Variants in IFT74 observed in about 807,000 individuals in gnomAD.
The protein encoded by IFT74 is intraflagellar transport 74, also known as intraflagellar transport protein 74 homolog.
In IFT74, 92 loss-of-function variants were observed where a neutral mutation model predicts 96.7. The observed-to-expected ratio is 0.95, with a 90% CI of 0.80 to 1.13. IFT74 has a LOEUF of 1.13. IFT74 is among the 50% of genes most tolerant of loss of function. The pLI is 0.00. For synonymous variants in IFT74, 223 were observed against 213.2 expected, an observed-to-expected ratio of 1.05 and a Z score of -0.40; for missense variants, 811 against 698.2, an observed-to-expected ratio of 1.16 and a Z score of -1.82.
At chr9:27,000,928 G>A (rs1828450315) in intron 8 of IFT74, among the ~76,000 whole-genome samples, 1 of 152,088 alleles carries the variant, frequency 6.6e-6, no homozygotes, top group South Asian at 2.1e-4. Flanking sequence ...ATGTTTGTAT[G>A]CATTAATAAA....
intron 1 of IFT74, among the ~76,000 whole-genome samples, chr9:26,949,007 G>GT (rs1003133103): frequency 2.0e-5 from 3 of 151,574 alleles, no homozygotes; most frequent in African/African-American, 7.3e-5. Flanking sequence ...TTTATCTTCT[G>GT]TTTTTTTCTA....
Position 26,997,599 on chromosome 9 carries a change from GATGGGATTACAGGC to G in IFT74, c.587+7408_587+7421del, listed in dbSNP as rs1828233717. 3 of 962,598 alleles carry G rather than the reference GATGGGATTACAGGC, an allele frequency of 3.1e-6. No individual in the cohort carries two copies. In the South Asian group the frequency reaches 5.4e-5, roughly 17 times the overall value. The allele number at this position is 962,598 out of a possible 1,614,324, so 59.6% of individuals were successfully genotyped here. ...TCCCCCTGCCTTGGCCTCCCATAGTGATGGGATTACAGGCATGAGCCACTGCGCCTGGCTGCTTC... is the reference window on the plus strand; with the variant it reads ...TCCCCCTGCCTTGGCCTCCCATAGTGATGAGCCACTGCGCCTGGCTGCTTC... On this transcript the variant is annotated intron_variant, in intron 8 of 19. Transcript: ENST00000380062.
At chr9:26,995,485 G>A (rs966529403) in intron 8 of IFT74, 5 of 1,245,642 alleles carry the variant, frequency 4.0e-6, no homozygotes, top group African/African-American at 3.0e-5. Flanking sequence ...TGAGTGAGCT[G>A]ATAACTTTGC....
chr9:27,008,614 C>A (rs1256818925), intron 8 of IFT74, among the ~76,000 whole-genome samples: 1 of 152,114 alleles, frequency 6.6e-6, no homozygotes, highest in Admixed American at 6.6e-5. Context: ...CCTGCCTCAG[C>A]CTTCCAAAGT....
chr9:27,057,768 G>T (rs12352225), intron 18 of IFT74, among the ~76,000 whole-genome samples: 1 of 152,026 alleles, frequency 6.6e-6, no homozygotes, highest in Non-Finnish European at 1.5e-5. Flanking sequence ...TGAGGCAGGA[G>T]AATGGCTTGA....
intron 1 of IFT74, among the ~76,000 whole-genome samples, chr9:26,957,826 C>T (rs1448155202): frequency 6.6e-6 from 1 of 151,636 alleles, no homozygotes; most frequent in Non-Finnish European, 1.5e-5. Context: ...CGGAGTCTTG[C>T]TCAGTCGCCC....
In IFT74 at chr9:26,961,959, G is replaced by A. The variant is rs761088914; in HGVS notation, c.-9G>A. The A allele has an allele frequency of 6.2e-7, 1 of 1,614,102 alleles. No individual in the cohort carries two copies. The highest frequency in any genetic ancestry group is 1.1e-5 in the South Asian group (1 of 91,074). The stretch of plus-strand genomic sequence containing the variant: ...ATTGTTTCCAAACAGCGATTAAAGT[G>A]AAGAAACAATGGCCAGCAATCACAA... On this transcript the variant is annotated 5_prime_UTR_variant, in exon 2 of 20. Coordinates refer to ENST00000380062, the MANE Select transcript of IFT74 (RefSeq NM_025103.4).
intron 13 of IFT74, among the ~76,000 whole-genome samples, chr9:27,039,112 G>A (rs190650571): frequency 6.6e-6 from 1 of 152,284 alleles, no homozygotes; most frequent in South Asian, 2.1e-4. Flanking sequence ...GGCACCATGG[G>A]CACCAAATAG....
intron 13 of IFT74, among the ~76,000 whole-genome samples, chr9:27,029,362 G>T (rs1286069003): frequency 6.6e-6 from 1 of 151,756 alleles, no homozygotes; most frequent in African/African-American, 2.4e-5. Context: ...TACAAAAACA[G>T]AAGTAAAATG....
intron 8 of IFT74, among the ~76,000 whole-genome samples, chr9:27,003,598 A>G (rs1467034206): frequency 1.3e-5 from 2 of 152,136 alleles, no homozygotes; most frequent in African/African-American, 4.8e-5. Flanking sequence ...CTCGTTAGCA[A>G]TAAGGAATTT....
In IFT74 at chr9:27,016,910, A is replaced by C. The variant is rs370062629; in HGVS notation, c.793A>C (p.Ile265Leu). 1 of 1,595,326 alleles carries C rather than the reference A, an allele frequency of 6.3e-7. No individual in the cohort carries two copies. The highest frequency in any genetic ancestry group is 8.5e-7 in the Non-Finnish European group (1 of 1,173,778). ...TTCCCTTCTTATTTTCCTTTAGGAAATAGCTCACTCCCAGGTGAAACAGGA... is the reference window on the plus strand; with the variant it reads ...TTCCCTTCTTATTTTCCTTTAGGAACTAGCTCACTCCCAGGTGAAACAGGA... Reference protein sequence around the residue: ...NMKKESLEAEIAHSQVKQEAV... With the variant: ...NMKKESLEAELAHSQVKQEAV... The change falls in exon 11 of 20, where the codon ATA becomes CTA. Residue 265 changes from isoleucine to leucine, a missense_variant. Coordinates refer to ENST00000380062, the MANE Select transcript of IFT74 (RefSeq NM_025103.4).
At chr9:26,967,274 G>T (rs1248878410) in intron 2 of IFT74, among the ~76,000 whole-genome samples, 1 of 151,862 alleles carries the variant, frequency 6.6e-6, no homozygotes, top group African/African-American at 2.4e-5. Flanking sequence ...TCAGTTCATT[G>T]CATCAGTGTT....
chr9:27,031,482 A>G (rs1830120840), intron 13 of IFT74, among the ~76,000 whole-genome samples: 1 of 151,554 alleles, frequency 6.6e-6, no homozygotes. Flanking sequence ...AAAAAAAGAA[A>G]TTCTTTTATT....
intron 8 of IFT74, chr9:26,999,627 T>A: frequency 1.2e-6 from 2 of 1,601,720 alleles, no homozygotes; most frequent in Non-Finnish European, 8.5e-7. Flanking sequence ...TTTAGAAGAC[T>A]GGATTTTGTC....
intron 2 of IFT74, chr9:26,976,515 A>C: frequency 6.4e-6 from 2 of 310,916 alleles, no homozygotes; most frequent in South Asian, 5.8e-5. Flanking sequence ...TAAACATTTA[A>C]ACTTTCTTAG....
chr9:27,049,282 A>G (rs1159193375), intron 16 of IFT74, among the ~76,000 whole-genome samples: 2 of 152,200 alleles, frequency 1.3e-5, no homozygotes, highest in African/African-American at 4.8e-5. Context: ...GTACACATAT[A>G]CATCTTAAAG....
At chr9:27,011,001 C>T (rs1829039340) in intron 9 of IFT74, among the ~76,000 whole-genome samples, 1 of 152,130 alleles carries the variant, frequency 6.6e-6, no homozygotes, top group Admixed American at 6.5e-5. Context: ...AATTTAGTAA[C>T]CTTTTTATTT....
intron 13 of IFT74, among the ~76,000 whole-genome samples, chr9:27,039,324 C>T (rs1819363578): frequency 6.6e-6 from 1 of 152,172 alleles, no homozygotes. Context: ...AGCCACTGTG[C>T]TCAGCCAGAA....
intron 10 of IFT74, among the ~76,000 whole-genome samples, chr9:27,013,858 A>G (rs1193955608): frequency 6.6e-6 from 1 of 152,176 alleles, no homozygotes; most frequent in Non-Finnish European, 1.5e-5. Flanking sequence ...TTGCAAAAGA[A>G]ATGAGTATTT....
Sources: allele counts gnomAD v4.1 joint callset (sites outside exome capture counted in the v4.1 genomes callset), GRCh38; gene constraint gnomAD v4.1.1; transcripts MANE v1.5; gene names NCBI Gene and HGNC (gene_info 2026-07-23, HGNC 2026-07-21).